The following UBE2O variants were observed in gnomAD, a reference collection of about 807,000 sequenced individuals.
UBE2O encodes ubiquitin conjugating enzyme E2 O, also known as (E3-independent) E2 ubiquitin-conjugating enzyme.
In UBE2O, 15 loss-of-function variants were observed where a neutral mutation model predicts 125.8. The ratio of observed to expected loss-of-function variants is 0.12; its 90% confidence interval spans 0.08 to 0.18. UBE2O has a LOEUF of 0.18. Ranked by LOEUF, UBE2O falls within the 10% of genes least tolerant of loss-of-function variation. The probability of loss-of-function intolerance (pLI) is 1.00; values close to 1 mark genes in which losing one functional copy is unlikely to be tolerated. For missense variants in UBE2O, 1,280 were observed against 1,723.6 expected (o/e 0.74, Z 4.56); for synonymous variants, 708 against 703.2 (o/e 1.01, Z -0.11).
intron 1 of UBE2O, among the ~76,000 whole-genome samples, chr17:76,426,025 G>T (rs1481988205): frequency 1.3e-5 from 2 of 152,112 alleles, no homozygotes; most frequent in Non-Finnish European, 2.9e-5. Context: ...TGCCTAAAAG[G>T]AGGGTCTCAC....
At chr17:76,442,798 T>C (rs1467271491) in intron 1 of UBE2O, among the ~76,000 whole-genome samples, 2 of 152,102 alleles carry the variant, frequency 1.3e-5, no homozygotes, top group African/African-American at 2.4e-5. Context: ...TGGAGGTCAG[T>C]TGGCGGCAGC....
rs576442844 is a variant in UBE2O, at chr17:76,402,103, G to A, written c.711C>T (p.Gly237=). The A allele has an allele frequency of 7.4e-6, 12 of 1,613,656 alleles. No individual in the cohort carries two copies. Among genetic ancestry groups the A allele is most frequent in the African/African-American group, 4.0e-5 (3 of 75,024 alleles). ...GARCSMNTED[G]AKLYDVCPHV... ...GCGGGCAGACGTCGTAGAGCTTGGC[G>A]CCATCTTCCGTGTTCATGGAGCACC... The change falls in exon 5 of 18, where the codon GGC becomes GGT. Residue 237 remains glycine, a synonymous_variant. Coordinates refer to ENST00000319380, the MANE Select transcript of UBE2O (RefSeq NM_022066.4). This position sits in a 1 kb window ranked among gnomAD's most constrained non-coding sequence, Gnocchi z 5.4.
chr17:76,435,788 C>T (rs2072986968), intron 1 of UBE2O, among the ~76,000 whole-genome samples: 1 of 152,226 alleles, frequency 6.6e-6, no homozygotes, highest in African/African-American at 2.4e-5. Context: ...GCCACATTCC[C>T]TGAGCTGAAG....
rs192914654 is a variant in UBE2O at position 76,433,297 on chromosome 17, T to C, written c.417+19428A>G. 9.3e-5 allele frequency among the ~76,000 whole-genome samples: 14 copies of C among 150,152 alleles called. No homozygotes were observed. In the East Asian group the frequency reaches 2.7e-3, roughly 29 times the overall value. On this transcript the variant is annotated intron_variant, in intron 1 of 17. Coordinates refer to ENST00000319380, the MANE Select transcript of UBE2O (RefSeq NM_022066.4). The stretch of plus-strand genomic sequence containing the variant: ...TGAAGTACTGATACATGCTACAACA[T>C]GGATGAACCTTGAAAACATCACGTT...
Position 76,438,819 on chromosome 17 carries a change from G to A in UBE2O, c.417+13906C>T, listed in dbSNP as rs12602544. Among the ~76,000 whole-genome samples the A allele has an allele frequency of 1.6e-3, 249 of 152,052 alleles. 5 individuals carry two copies. The East Asian group carries it at 0.045, about 27-fold the overall frequency. ...AATGAAGATGTTTGTTCACACTTCC[G>A]GGTCATTTTGTGTGAGAAGTCAGCA... On this transcript the variant is annotated intron_variant, in intron 1 of 17. Transcript: ENST00000319380.
chr17:76,443,122 G>A (rs1419503130), intron 1 of UBE2O, among the ~76,000 whole-genome samples: 1 of 152,088 alleles, frequency 6.6e-6, no homozygotes, highest in Non-Finnish European at 1.5e-5. Context: ...ATTTACATAA[G>A]CATACAGATA....
Position 76,399,013 on chromosome 17 carries a change from C to A in UBE2O, c.1629-22G>T. 6.2e-7 allele frequency: 1 copy of A among 1,611,320 alleles called. No individual in the cohort carries two copies. Among genetic ancestry groups the A allele is most frequent in the Non-Finnish European group, 8.5e-7 (1 of 1,178,878 alleles). The stretch of plus-strand genomic sequence containing the variant: ...CACCCTGCGGGTGCAGGCCAGTCAG[C>A]AGGCCATGCAAACCCCACCCCCTCC... On this transcript the variant is annotated intron_variant, in intron 9 of 17. Coordinates refer to ENST00000319380, the MANE Select transcript of UBE2O (RefSeq NM_022066.4). The surrounding 1 kb of genome is among the most constrained non-coding windows in gnomAD (Gnocchi z 6.9).
intron 1 of UBE2O, among the ~76,000 whole-genome samples, chr17:76,416,888 G>A (rs2072626069): frequency 6.6e-6 from 1 of 152,190 alleles, no homozygotes; most frequent in Admixed American, 6.5e-5. Context: ...ACTGGGAGGA[G>A]TTTCTGCCCA....
At chr17:76,435,862 A>G (rs1425829831) in intron 1 of UBE2O, among the ~76,000 whole-genome samples, 1 of 152,318 alleles carries the variant, frequency 6.6e-6, no homozygotes, top group South Asian at 2.1e-4. Flanking sequence ...GACAGAAAAC[A>G]GTTAGCAAAA....
chr17:76,396,926 G>T lies in UBE2O; in HGVS notation c.2116-105C>A. 1 of 1,008,630 alleles carries T rather than the reference G, an allele frequency of 9.9e-7. No homozygotes were observed. Among genetic ancestry groups the T allele is most frequent in the Non-Finnish European group, 1.4e-6 (1 of 698,892 alleles). The allele number at this position is 1,008,630 out of a possible 1,614,324, so 62.5% of individuals were successfully genotyped here. A position where few individuals can be genotyped will look rare whatever the true frequency, so the allele number is the denominator to read the frequency against. ...TGATCCGCACAGCTGATGGCGACTG[G>T]GCTCATGAGGCCTTGGCAACCTCAT... is the stretch of plus-strand genomic sequence containing the variant. On this transcript the variant is annotated intron_variant, in intron 13 of 17. Transcript: ENST00000319380. The surrounding 1 kb of genome is among the most constrained non-coding windows in gnomAD (Gnocchi z 6.7).
At chr17:76,431,935 T>C (rs2072914216) in intron 1 of UBE2O, among the ~76,000 whole-genome samples, 1 of 152,132 alleles carries the variant, frequency 6.6e-6, no homozygotes. Flanking sequence ...ACCATGACAG[T>C]CAGAACTGAT....
In UBE2O at chr17:76,392,008, G is replaced by C. The variant is rs776920459; in HGVS notation, c.3052C>G (p.His1018Asp). ...LPNIYPAVPP[H>D]FCYLSQCSGR... is the part of the protein sequence containing the mutation. ...CTGCATTGGGAGAGGTAGCAGAAGT[G>C]GGGGGGCACGGCTGGGTAGATGTTG... The change falls in exon 16 of 18, where the codon CAC (histidine) becomes GAC (aspartate). Residue 1018 changes from histidine to aspartate, a missense_variant. Physicochemically the swap from His to Asp is moderately conservative, Grantham distance 81. This residue lies in a region of UBE2O where 37 missense variants were observed against 115.6 expected (regional missense o/e 0.32). Coordinates refer to ENST00000319380, the MANE Select transcript of UBE2O (RefSeq NM_022066.4). 6 of 1,595,618 alleles carry C rather than the reference G, an allele frequency of 3.8e-6. No individual in the cohort carries two copies. Among genetic ancestry groups the C allele is most frequent in the Admixed American group, 3.6e-5 (2 of 55,546 alleles).
At chr17:76,434,932 G>A (rs975143241) in intron 1 of UBE2O, among the ~76,000 whole-genome samples, 1 of 151,970 alleles carries the variant, frequency 6.6e-6, no homozygotes, top group Non-Finnish European at 1.5e-5. Context: ...AGAGGGGCTC[G>A]GGCGCGCCCA....
Position 76,390,915 on chromosome 17 carries a change from G to A in UBE2O, c.*28C>T. 2 of 1,569,412 alleles carry A rather than the reference G, an allele frequency of 1.3e-6. No homozygotes were observed. Among genetic ancestry groups the A allele is most frequent in the Non-Finnish European group, 1.7e-6 (2 of 1,158,730 alleles). The stretch of plus-strand genomic sequence containing the variant: ...CAGGCGGCGGCTGGCCTCTCCCACG[G>A]TGATGCTCTTTCCTCTGTGCCTGGC... On this transcript the variant is annotated 3_prime_UTR_variant, in exon 18 of 18. Transcript: ENST00000319380.
At position 76,401,938 on chromosome 17, in the gene UBE2O, G is replaced by GGC. The variant is rs2072333425; in HGVS notation, c.750+124_750+125dup. 13 of 821,636 alleles carry GGC rather than the reference G, an allele frequency of 1.6e-5. No homozygotes were observed. The South Asian group carries it at 2.6e-4, about 17-fold the overall frequency. The allele number at this position is 821,636 out of a possible 1,614,324, so 50.9% of individuals were successfully genotyped here. A position where few individuals can be genotyped will look rare whatever the true frequency, so the allele number is the denominator to read the frequency against. ...CTATACCCAAACTTTTAGACCCTCTGGCGCGCACCCGCCCCTTTTCTAGGA... is the reference window on the plus strand; with the variant it reads ...CTATACCCAAACTTTTAGACCCTCTGGCGCGCGCACCCGCCCCTTTTCTAGGA... On this transcript the variant is annotated intron_variant, in intron 5 of 17. Coordinates refer to ENST00000319380, the MANE Select transcript of UBE2O (RefSeq NM_022066.4).
chr17:76,396,044 AC>A lies in UBE2O; in HGVS notation c.2809+83del. 6.6e-7 allele frequency: 1 copy of A among 1,518,518 alleles called. No individual in the cohort carries two copies. The allele number at this position is 1,518,518 out of a possible 1,614,324, so 94.1% of individuals were successfully genotyped here. A position where few individuals can be genotyped will look rare whatever the true frequency, so the allele number is the denominator to read the frequency against. Reference sequence around the variant, plus strand: ...TAGCTGGGGTCTGGCGAGGGGACTAACCACCCTGCACCCAGATCTGGTGACA... The same window carrying A: ...TAGCTGGGGTCTGGCGAGGGGACTAACACCCTGCACCCAGATCTGGTGACA... On this transcript the variant is annotated intron_variant, in intron 14 of 17. Coordinates refer to ENST00000319380, the MANE Select transcript of UBE2O (RefSeq NM_022066.4). This position sits in a 1 kb window ranked among gnomAD's most constrained non-coding sequence, Gnocchi z 6.7.
chr17:76,448,665 C>A (rs144808404), intron 1 of UBE2O, among the ~76,000 whole-genome samples: 1 of 152,368 alleles, frequency 6.6e-6, no homozygotes, highest in Non-Finnish European at 1.5e-5. Context: ...AAAGCATAAA[C>A]GCTTTGCCTC....
chr17:76,432,977 T>C (rs372109904), intron 1 of UBE2O, among the ~76,000 whole-genome samples: 3 of 152,270 alleles, frequency 2.0e-5, no homozygotes, highest in East Asian at 3.9e-4. Context: ...CCAACATTGC[T>C]GGTGGGTATG....
At chr17:76,425,141 G>T (rs915550355) in intron 1 of UBE2O, among the ~76,000 whole-genome samples, 3 of 148,016 alleles carry the variant, frequency 2.0e-5, no homozygotes, top group Non-Finnish European at 3.0e-5. Flanking sequence ...GAAGTGCTGG[G>T]ATTACAGGCG....
Sources: gnomAD v4.1 joint callset for allele counts (sites outside exome capture counted in the v4.1 genomes callset) on GRCh38, gnomAD v4.1.1 for gene constraint, gnomAD v4.1.1 regional missense constraint, Gnocchi (gnomAD v3.1) non-coding constraint, MANE v1.5 for transcripts, NCBI Gene and HGNC (gene_info 2026-07-23, HGNC 2026-07-21) for gene names.